Variants in PCDH11X observed in about 807,000 individuals in gnomAD.
The protein encoded by PCDH11X is protocadherin-11 X-linked.
PCDH11X carries 18 observed loss-of-function variants against 53.3 expected under a neutral mutation model. That is an observed-to-expected ratio of 0.34 (90% CI 0.23 to 0.50). The LOEUF (loss-of-function observed/expected upper bound fraction) is 0.50, where lower values mean the gene tolerates loss of function less well. Among genes scored for constraint, PCDH11X ranks in the 20% least tolerant of loss-of-function variants. The probability of loss-of-function intolerance (pLI) is 0.98; values close to 1 mark genes in which losing one functional copy is unlikely to be tolerated. For missense variants in PCDH11X, 570 were observed against 1,032.4 expected, an observed-to-expected ratio of 0.55 and a Z score of 6.14; for synonymous variants, 279 against 393.3, an observed-to-expected ratio of 0.71 and a Z score of 3.44.
chrX:92,273,965 G>A lies in PCDH11X; in HGVS notation c.3144+10822G>A, dbSNP rs189804498. ...GATAGCACCAGGAGATATCAGCTGT[G>A]ATGGCTTGGAGAAACAGTGTAAACC... On this transcript the variant is annotated intron_variant, in intron 8 of 10. Coordinates refer to ENST00000682573, the MANE Select transcript of PCDH11X (RefSeq NM_032968.5). Among the ~76,000 whole-genome samples the A allele has an allele frequency of 2.3e-3, 247 of 109,331 alleles. 2 individuals are homozygous for A. Among genetic ancestry groups the A allele is most frequent in the African/African-American group, 7.9e-3 (236 of 29,906 alleles). The allele number at this position is 109,331 out of a possible 115,157, so 94.9% of individuals were successfully genotyped here.
At chrX:92,606,423 TAATA>T (rs1444830864) in intron 10 of PCDH11X, among the ~76,000 whole-genome samples, 1 of 107,677 alleles carries the variant, frequency 9.3e-6, no homozygotes, top group Non-Finnish European at 1.9e-5. Flanking sequence ...AGTCAATAAA[TAATA>T]AATAGTCTTT....
chrX:92,037,816 T>C (rs1348608465), intron 6 of PCDH11X, among the ~76,000 whole-genome samples: 2 of 110,962 alleles, frequency 1.8e-5, no homozygotes, highest in Non-Finnish European at 3.8e-5. Flanking sequence ...GTTTTTTGTG[T>C]ATGTTTGTTG....
chrX:92,271,494 G>A (rs1401728556), intron 8 of PCDH11X, among the ~76,000 whole-genome samples: 2 of 112,080 alleles, frequency 1.8e-5, no homozygotes, highest in Non-Finnish European at 3.8e-5. Flanking sequence ...TCCCGTTACA[G>A]ATTTTTGGAG....
chrX:92,042,050 T>G (rs2063217796), intron 6 of PCDH11X, among the ~76,000 whole-genome samples: 1 of 112,018 alleles, frequency 8.9e-6, no homozygotes, highest in Admixed American at 9.5e-5. Context: ...TTTTAATAAA[T>G]AGTATAAAAT....
chrX:92,098,766 G>A (rs1171540827), intron 6 of PCDH11X, among the ~76,000 whole-genome samples: 1 of 104,821 alleles, frequency 9.5e-6, no homozygotes, highest in Non-Finnish European at 1.9e-5. Context: ...TCCTGCCTCA[G>A]CCTCCCGAGT....
At chrX:91,959,384 C>G (rs959055430) in intron 6 of PCDH11X, among the ~76,000 whole-genome samples, 14 of 111,315 alleles carry the variant, frequency 1.3e-4, no homozygotes. Context: ...TTTAGAGCTT[C>G]AGAACTTATT....
chrX:91,963,030 G>T (rs1466670369), intron 6 of PCDH11X, among the ~76,000 whole-genome samples: 2 of 111,483 alleles, frequency 1.8e-5, no homozygotes, highest in Admixed American at 1.9e-4. Flanking sequence ...GATGGGAGGG[G>T]CTACTGTGAA....
chrX:92,615,396 G>T (rs4020563), intron 10 of PCDH11X, among the ~76,000 whole-genome samples: 1 of 110,815 alleles, frequency 9.0e-6, no homozygotes, highest in Non-Finnish European at 1.9e-5. Flanking sequence ...AGCATGCTGG[G>T]GCACCCATTA....
chrX:92,597,737 A>G (rs896341127), intron 10 of PCDH11X, among the ~76,000 whole-genome samples: 3 of 111,722 alleles, frequency 2.7e-5, no homozygotes, highest in African/African-American at 9.8e-5. Flanking sequence ...TTAGGCAAAA[A>G]GAACAAAACC....
At chrX:92,260,429 G>A (rs1474256705) in intron 7 of PCDH11X, among the ~76,000 whole-genome samples, 1 of 110,903 alleles carries the variant, frequency 9.0e-6, no homozygotes. Context: ...CCCAGCACCC[G>A]GAGATGCTCT....
chrX:92,479,885 C>G, intron 10 of PCDH11X, among the ~76,000 whole-genome samples: 1 of 110,125 alleles, frequency 9.1e-6, no homozygotes, highest in African/African-American at 3.3e-5. Context: ...GAATTTGATT[C>G]TTGGCTTGTA....
intron 10 of PCDH11X, among the ~76,000 whole-genome samples, chrX:92,558,087 C>T (rs113241006): frequency 0.02 from 2,177 of 110,948 alleles, 62 homozygotes; most frequent in African/African-American, 0.066. Flanking sequence ...CCCGCTGGTT[C>T]TCTCCCACAG....
intron 9 of PCDH11X, among the ~76,000 whole-genome samples, chrX:92,439,936 A>G (rs190476990): frequency 0.032 from 2,682 of 82,701 alleles, 112 homozygotes; most frequent in African/African-American, 0.1. Context: ...GTTACATTTC[A>G]GAGCCGTTTT....
At chrX:92,323,866 CTT>C (rs1036795353) in intron 8 of PCDH11X, among the ~76,000 whole-genome samples, 6 of 111,420 alleles carry the variant, frequency 5.4e-5, no homozygotes, top group African/African-American at 2.0e-4. Context: ...AATGGGATAA[CTT>C]TACACAGTTT....
At position 92,253,797 on chromosome X, in the gene PCDH11X, G is replaced by A. The variant is rs762766368; in HGVS notation, c.3115-9317G>A. Reference sequence around the variant, plus strand: ...TTTTTGTATGTTCATTTTGAATCCTGCAACTTTACTGAATTTATTTATCAG... The same window carrying A: ...TTTTTGTATGTTCATTTTGAATCCTACAACTTTACTGAATTTATTTATCAG... On this transcript the variant is annotated intron_variant, in intron 7 of 10. Transcript: ENST00000682573. 5.5e-3 allele frequency among the ~76,000 whole-genome samples: 615 copies of A among 111,893 alleles called. 3 individuals are homozygous for A. Among genetic ancestry groups the A allele is most frequent in the African/African-American group, 0.019 (575 of 30,796 alleles).
At chrX:92,360,940 G>T (rs1311066308) in intron 8 of PCDH11X, among the ~76,000 whole-genome samples, 2 of 64,394 alleles carry the variant, frequency 3.1e-5, no homozygotes, top group Non-Finnish European at 6.0e-5. Context: ...AGGGCTCTTG[G>T]CACCTCTGGG....
chrX:91,934,607 A>G (rs1000456025), intron 6 of PCDH11X, among the ~76,000 whole-genome samples: 6 of 106,179 alleles, frequency 5.7e-5, no homozygotes, highest in Non-Finnish European at 7.8e-5. Context: ...ACCTTATCCG[A>G]TTCTTCAAAA....
At chrX:92,136,458 T>C (rs1252694366) in intron 6 of PCDH11X, among the ~76,000 whole-genome samples, 1 of 109,149 alleles carries the variant, frequency 9.2e-6, no homozygotes, top group African/African-American at 3.4e-5. Flanking sequence ...AATTTTTACA[T>C]GTATTAAATG....
chrX:91,998,192 C>T (rs1194151053), intron 6 of PCDH11X, among the ~76,000 whole-genome samples: 2 of 109,767 alleles, frequency 1.8e-5, no homozygotes, highest in African/African-American at 3.3e-5. Context: ...CCTCGGCCTC[C>T]CAAATTGCTG....
Sources: gnomAD v4.1 joint callset for allele counts (sites outside exome capture counted in the v4.1 genomes callset) on GRCh38, gnomAD v4.1.1 for gene constraint, MANE v1.5 for transcripts, NCBI Gene and HGNC (gene_info 2026-07-23, HGNC 2026-07-21) for gene names.